The following FLNB variants were observed in gnomAD, a reference collection of about 807,000 sequenced individuals.
FLNB encodes the protein filamin-B.
Under a neutral mutation model 250.6 loss-of-function variants are expected in FLNB, and 111 were observed. The observed-to-expected ratio is 0.44, with a 90% CI of 0.38 to 0.52. The LOEUF is 0.52. Among genes scored for constraint, FLNB ranks in the 20% least tolerant of loss-of-function variants. FLNB has a pLI of 0.00. For missense variants in FLNB, 2,869 were observed against 3,447.8 expected (o/e 0.83, Z 4.20); for synonymous variants, 1,302 against 1,372.1 (o/e 0.95, Z 1.13).
chr3:58,108,303 G>A (rs1576731613), intron 12 of FLNB, among the ~76,000 whole-genome samples, 155 bp from the exon 13 acceptor site: 1 of 152,150 alleles, frequency 6.6e-6, no homozygotes, highest in African/African-American at 2.4e-5. Context: ...ACCTACTTTA[G>A]CACTTTACTT....
At chr3:58,086,550 T>C (rs904158574) in intron 4 of FLNB, among the ~76,000 whole-genome samples, 6 of 152,236 alleles carry the variant, frequency 3.9e-5, no homozygotes, top group Non-Finnish European at 5.9e-5. Context: ...TAAAATTTAT[T>C]TGTAGTTCTT....
Position 58,142,020 on chromosome 3 carries a change from C to A in FLNB, c.5181+91C>A. 9.2e-7 allele frequency: 1 copy of A among 1,087,536 alleles called. No individual in the cohort carries two copies. Among genetic ancestry groups the A allele is most frequent in the Non-Finnish European group, 1.4e-6 (1 of 703,696 alleles). 67.4% of individuals were successfully genotyped at this position (1,087,536 alleles called of 1,614,324 possible). On this transcript the variant is annotated intron_variant, in intron 30 of 45. Transcript: ENST00000295956. This position sits in a 1 kb window ranked among gnomAD's most constrained non-coding sequence, Gnocchi z 4.3. ...CCATCTGCTTCTGGGATTGCTTAAGCCCTGTGGGTGTCCTGGTCATTGGTG... is the reference window on the plus strand; with the variant it reads ...CCATCTGCTTCTGGGATTGCTTAAGACCTGTGGGTGTCCTGGTCATTGGTG...
intron 32 of FLNB, among the ~76,000 whole-genome samples, chr3:58,145,431 T>A (rs978641810): frequency 6.6e-6 from 1 of 152,202 alleles, no homozygotes; most frequent in Non-Finnish European, 1.5e-5. Flanking sequence ...ACTTAGGTCT[T>A]TTCCTGATGT....
intron 3 of FLNB, 32 bp downstream of exon 3, chr3:58,078,846 T>C: frequency 6.5e-7 from 1 of 1,549,574 alleles, no homozygotes; most frequent in Non-Finnish European, 8.9e-7. Context: ...CCTGTGAGGC[T>C]GCCCCCACCC....
At chr3:58,014,062 G>T (rs1293029557) in intron 1 of FLNB, among the ~76,000 whole-genome samples, 5 of 152,172 alleles carry the variant, frequency 3.3e-5, no homozygotes, top group Non-Finnish European at 7.3e-5. Flanking sequence ...GATTAAACAA[G>T]TTAATAATTT....
intron 17 of FLNB, 75 bp from the exon 18 acceptor site, chr3:58,112,059 GACCTGGTGCTGTTGA>G: frequency 7.5e-7 from 1 of 1,332,580 alleles, no homozygotes; most frequent in South Asian, 1.2e-5. Context: ...TGTCATAATA[GACCTGGTGCTGTTGA>G]ACCTGTCTGA....
Position 58,155,957 on chromosome 3 carries a change from T to C in FLNB, c.6773-3T>C. On this transcript the variant is annotated splice_polypyrimidine_tract_variant and splice_region_variant and intron_variant, in intron 40 of 45. Coordinates refer to ENST00000295956, the MANE Select transcript of FLNB (RefSeq NM_001457.4). ...AAATGATGGGACTTTCCTGTCCTCA[T>C]AGGTAACTACGAGGTGTCCATCAAG... 6.2e-7 allele frequency: 1 copy of C among 1,604,072 alleles called. No homozygotes were observed. Among genetic ancestry groups the C allele is most frequent in the South Asian group, 1.1e-5 (1 of 90,882 alleles).
chr3:58,149,168 C>T (rs576534323), intron 36 of FLNB: 7 of 390,122 alleles, frequency 1.8e-5, no homozygotes, highest in African/African-American at 8.2e-5. Flanking sequence ...AGCTTCCCAG[C>T]GTCTCTCCAA....
rs573963399 is a variant in FLNB, at chr3:58,102,243, A to G, written c.1386A>G (p.Leu462=). 4.3e-6 allele frequency: 7 copies of G among 1,614,238 alleles called. No homozygotes were observed. The African/African-American group carries it at 5.3e-5, about 12-fold the overall frequency. The change falls in exon 9 of 46, where the codon CTA becomes CTG. Residue 462 remains leucine, a synonymous_variant. Coordinates refer to ENST00000295956, the MANE Select transcript of FLNB (RefSeq NM_001457.4). ...PNACRASGRG[L]QPKGVRIRET... ...CCTGCCGGGCCAGTGGCCGAGGCCT[A>G]CAACCCAAAGGCGTCCGTATCCGGG...
chr3:58,161,125 G>A (rs890167676), intron 42 of FLNB, among the ~76,000 whole-genome samples: 9 of 152,206 alleles, frequency 5.9e-5, no homozygotes, highest in Admixed American at 2.0e-4. Flanking sequence ...AAGGCCAAGT[G>A]GCAAGCTGGT....
Position 58,110,168 on chromosome 3 carries a change from C to A in FLNB, c.2482C>A (p.Gln828Lys), listed in dbSNP as rs763307721. 6.2e-7 allele frequency: 1 copy of A among 1,614,226 alleles called. No individual in the cohort carries two copies. Among genetic ancestry groups the A allele is most frequent in the South Asian group, 1.1e-5 (1 of 91,082 alleles). ...CACTATCAAAGTTCTCTTTGCATCT[C>A]AGGTACGTGGTGGGGCCTGGGAGGA... ...RYTIKVLFAS[Q>K]EIPASPFRVK... Residue 828 changes from glutamine (Q) to lysine (K), a missense_variant and splice_region_variant, in exon 16 of 46, where the codon CAG becomes AAG. Coordinates refer to ENST00000295956, the MANE Select transcript of FLNB (RefSeq NM_001457.4).
chr3:58,139,070 AAGG>A (rs1307133972), intron 29 of FLNB, among the ~76,000 whole-genome samples: 14 of 152,310 alleles, frequency 9.2e-5, no homozygotes, highest in African/African-American at 2.4e-4. Flanking sequence ...TCTGGAATAA[AAGG>A]AGGAAACCAT....
At chr3:58,138,078 A>G (rs1051183263) in intron 28 of FLNB, among the ~76,000 whole-genome samples, 1 of 152,224 alleles carries the variant, frequency 6.6e-6, no homozygotes, top group Non-Finnish European at 1.5e-5. Context: ...CAGAGCTTAC[A>G]GATGCTCCTT....
At chr3:58,092,160 T>C (rs1321420391) in intron 4 of FLNB, among the ~76,000 whole-genome samples, 2 of 152,192 alleles carry the variant, frequency 1.3e-5, no homozygotes, top group African/African-American at 4.8e-5. Flanking sequence ...TTCAGTATCA[T>C]TAACCATGAG....
chr3:58,112,353 C>G (rs765303302), intron 18 of FLNB, 35 bp downstream of exon 18: 22 of 1,596,864 alleles, frequency 1.4e-5, no homozygotes, highest in Non-Finnish European at 1.8e-5. Context: ...CCCTGGCCCC[C>G]AGCCAGGCCC....
At chr3:58,098,417 G>A (rs1389874411) in intron 7 of FLNB, among the ~76,000 whole-genome samples, 6 of 152,146 alleles carry the variant, frequency 3.9e-5, no homozygotes, top group East Asian at 1.9e-4. Context: ...CGCAACCTCC[G>A]CCTCCTGGGT....
At chr3:58,087,040 G>C (rs1384716891) in intron 4 of FLNB, among the ~76,000 whole-genome samples, 1 of 152,192 alleles carries the variant, frequency 6.6e-6, no homozygotes, top group Non-Finnish European at 1.5e-5. Flanking sequence ...GAACCTGGGA[G>C]GTGGAGGTTG....
chr3:58,063,094 A>G lies in FLNB; in HGVS notation c.293-13952A>G, dbSNP rs563788972. Among the ~76,000 whole-genome samples, 5 of 152,284 alleles carry G rather than the reference A, an allele frequency of 3.3e-5. No individual in the cohort carries two copies. In the South Asian group the frequency reaches 1.0e-3, roughly 32 times the overall value. On this transcript the variant is annotated intron_variant, in intron 1 of 45. Coordinates refer to ENST00000295956, the MANE Select transcript of FLNB (RefSeq NM_001457.4). The stretch of plus-strand genomic sequence containing the variant: ...CTGAGCACAGGGAATCGACCCACTC[A>G]TGGTCACACAGCTTGCCAAGTCGCT...
At chr3:58,117,066 T>G (rs1009752552) in intron 18 of FLNB, among the ~76,000 whole-genome samples, 1 of 152,176 alleles carries the variant, frequency 6.6e-6, no homozygotes, top group Non-Finnish European at 1.5e-5. Context: ...TGTATGTATA[T>G]TTTGAAGAAT....
Sources: allele counts gnomAD v4.1 joint callset (sites outside exome capture counted in the v4.1 genomes callset), GRCh38; gene constraint gnomAD v4.1.1; non-coding constraint Gnocchi (gnomAD v3.1); transcripts MANE v1.5; gene names NCBI Gene and HGNC (gene_info 2026-07-23, HGNC 2026-07-21).